ADGRD1: variants seen among roughly 807,000 people sequenced by gnomAD.
ADGRD1 encodes G-protein coupled receptor 133.
Under a neutral mutation model 113.4 loss-of-function variants are expected in ADGRD1, and 77 were observed. The ratio of observed to expected loss-of-function variants is 0.68; its 90% confidence interval spans 0.57 to 0.82. The LOEUF (loss-of-function observed/expected upper bound fraction) is 0.82. Ranked by LOEUF, ADGRD1 falls within the 40% of genes least tolerant of loss-of-function variation. ADGRD1 has a pLI of 0.00. For synonymous variants in ADGRD1, 474 were observed against 475.0 expected (o/e 1.00, Z 0.03); for missense variants, 1,036 against 1,139.1 (o/e 0.91, Z 1.30).
intron 15 of ADGRD1, among the ~76,000 whole-genome samples, chr12:131,088,988 G>A (rs1886708904): frequency 1.3e-5 from 2 of 152,156 alleles, no homozygotes; most frequent in South Asian, 2.1e-4. Context: ...GACAAGGCCC[G>A]GGTGGAGTGA....
At chr12:130,976,095 T>C (rs1235421055) in intron 4 of ADGRD1, among the ~76,000 whole-genome samples, 3 of 152,214 alleles carry the variant, frequency 2.0e-5, no homozygotes, top group Admixed American at 6.5e-5. Flanking sequence ...AGTTGACTTT[T>C]TCCCCCTTTG....
rs1402048925 is a variant in ADGRD1, at chr12:130,984,633, A to G, written c.491-2462A>G. ...ACATGTGATGAACCTACAGTGACAC[A>G]TCATTGTCACCCAAAGTCCATAGTT... is the stretch of plus-strand genomic sequence containing the variant. On this transcript the variant is annotated intron_variant, in intron 5 of 24. Transcript: ENST00000261654. The surrounding 1 kb of genome is among the most constrained non-coding windows in gnomAD (Gnocchi z 4.1). Among the ~76,000 whole-genome samples the G allele has an allele frequency of 2.0e-5, 3 of 151,666 alleles. No homozygotes were observed. The highest frequency in any genetic ancestry group is 4.4e-5 in the Non-Finnish European group (3 of 67,976).
chr12:131,055,141 T>C (rs1368173567), intron 13 of ADGRD1, among the ~76,000 whole-genome samples: 1 of 152,158 alleles, frequency 6.6e-6, no homozygotes, highest in Admixed American at 6.5e-5. Flanking sequence ...TATGGAAGAT[T>C]TTGAAATAGA....
chr12:131,012,179 C>A (rs1454086669), intron 12 of ADGRD1, among the ~76,000 whole-genome samples: 2 of 151,282 alleles, frequency 1.3e-5, no homozygotes, highest in Non-Finnish European at 2.9e-5. Flanking sequence ...ACTTTCTGGG[C>A]AAGTTTATTA....
rs1237996606 is a variant in ADGRD1 at position 131,057,214 on chromosome 12, C to T, written c.1474-19587C>T. ...GTTTGAAGAACTGCACGGAACGCTG[C>T]CTGGCGAGCGCCTGCTGGTGTTTGA... On this transcript the variant is annotated intron_variant, in intron 13 of 24. Transcript: ENST00000261654. The surrounding 1 kb of genome is among the most constrained non-coding windows in gnomAD (Gnocchi z 4.2). 6.6e-6 allele frequency among the ~76,000 whole-genome samples: 1 copy of T among 152,204 alleles called. No individual in the cohort carries two copies. The highest frequency in any genetic ancestry group is 1.9e-4 in the East Asian group (1 of 5,188).
At chr12:130,967,076 T>C in intron 3 of ADGRD1, 1 of 454,830 alleles carries the variant, frequency 2.2e-6, no homozygotes, top group Non-Finnish European at 4.4e-6. Context: ...GGCGTCTGTT[T>C]TCTACGTTGA....
chr12:131,004,023 CT>C (rs56871865), intron 10 of ADGRD1, among the ~76,000 whole-genome samples, 162 bp from the exon 11 acceptor site: 1,593 of 138,984 alleles, frequency 0.011, 29 homozygotes, highest in African/African-American at 0.036. Flanking sequence ...TTGCTTTACC[CT>C]TTTTTTTTTT....
At chr12:130,990,132 C>T (rs1248511456) in intron 6 of ADGRD1, 1 of 152,204 alleles carries the variant, frequency 6.6e-6, no homozygotes, top group Non-Finnish European at 1.5e-5. Flanking sequence ...CTCTGTAACT[C>T]ATTGGCACCT....
intron 13 of ADGRD1, chr12:131,023,604 T>C (rs1879585171): frequency 6.6e-6 from 1 of 152,180 alleles, no homozygotes; most frequent in African/African-American, 2.4e-5. Context: ...TGGAAGTCAC[T>C]CCAAACCCAT....
At chr12:130,973,963 AC>A (rs1413216247) in intron 4 of ADGRD1, among the ~76,000 whole-genome samples, 3 of 152,100 alleles carry the variant, frequency 2.0e-5, no homozygotes, top group Non-Finnish European at 4.4e-5. Flanking sequence ...AAGTCAGGAA[AC>A]CTTCAATCAA....
At chr12:131,081,944 A>G (rs1419447351) in intron 14 of ADGRD1, among the ~76,000 whole-genome samples, 1 of 152,242 alleles carries the variant, frequency 6.6e-6, no homozygotes, top group Non-Finnish European at 1.5e-5. Context: ...TACAAGTAAT[A>G]TATCAATATA....
chr12:130,993,372 T>TTTCA (rs55716628), intron 8 of ADGRD1, among the ~76,000 whole-genome samples: 22,922 of 141,008 alleles, frequency 0.16, 1,986 homozygotes, highest in Middle Eastern at 0.18. Flanking sequence ...ACTTCTCAGA[T>TTTCA]TTCATTCATT....
chr12:131,086,158 C>T (rs962479324), intron 15 of ADGRD1, among the ~76,000 whole-genome samples: 1 of 152,184 alleles, frequency 6.6e-6, no homozygotes, highest in Admixed American at 6.5e-5. Flanking sequence ...CTGAATCCAC[C>T]AGCGTCCGCA....
chr12:131,094,582 G>GCC (rs60898434), intron 15 of ADGRD1, among the ~76,000 whole-genome samples: 35 of 151,774 alleles, frequency 2.3e-4, no homozygotes, highest in East Asian at 2.2e-3. Flanking sequence ...GTTCAGCAGC[G>GCC]CCCCCCCGAC....
intron 20 of ADGRD1, among the ~76,000 whole-genome samples, chr12:131,121,152 T>A (rs536195146): frequency 2.8e-4 from 43 of 152,226 alleles, no homozygotes; most frequent in African/African-American, 1.0e-3. Flanking sequence ...GCTCTTCCAG[T>A]CGAGGCGGCA....
intron 4 of ADGRD1, among the ~76,000 whole-genome samples, chr12:130,980,463 T>C (rs1872830184): frequency 1.3e-5 from 2 of 150,290 alleles, no homozygotes; most frequent in Admixed American, 6.7e-5. Flanking sequence ...AATGGCGTGG[T>C]CTCGGCTCAC....
chr12:131,136,000 C>G, intron 21 of ADGRD1, 37 bp from the exon 22 acceptor site: 1 of 1,612,776 alleles, frequency 6.2e-7, no homozygotes, highest in Non-Finnish European at 8.5e-7. Flanking sequence ...CACCTGCCCT[C>G]CTGCCACTCA....
chr12:131,000,764 A>G lies in ADGRD1; in HGVS notation c.1026+322A>G, dbSNP rs866426701. ...TCAAAAAACAAAAAAAAAAAAAAAA[A>G]AGAGAGAGAGAGAAAAGAACATTTT... On this transcript the variant is annotated intron_variant, in intron 9 of 24. Coordinates refer to ENST00000261654, the MANE Select transcript of ADGRD1 (RefSeq NM_198827.5). Among the ~76,000 whole-genome samples, 34 of 151,256 alleles carry G rather than the reference A, an allele frequency of 2.2e-4. No homozygotes were observed. In the East Asian group the frequency reaches 2.9e-3, roughly 13 times the overall value.
rs115385636 is a variant in ADGRD1, at chr12:130,960,501, A to G, written c.103+5841A>G. Reference sequence around the variant, plus strand: ...TTGAAGAAATGGAAATTTGGCAAATAGAGATTTTCTAAATACTAGAATTAT... The same window carrying G: ...TTGAAGAAATGGAAATTTGGCAAATGGAGATTTTCTAAATACTAGAATTAT... On this transcript the variant is annotated intron_variant, in intron 2 of 24. Transcript: ENST00000261654. Among the ~76,000 whole-genome samples the G allele has an allele frequency of 2.6e-3, 389 of 152,344 alleles. 2 individuals are homozygous for G. The highest frequency in any genetic ancestry group is 8.9e-3 in the African/African-American group (370 of 41,584).
Sources: allele counts gnomAD v4.1 joint callset (sites outside exome capture counted in the v4.1 genomes callset), GRCh38; gene constraint gnomAD v4.1.1; non-coding constraint Gnocchi (gnomAD v3.1); transcripts MANE v1.5; gene names NCBI Gene and HGNC (gene_info 2026-07-23, HGNC 2026-07-21).